Variants in CDC42BPA observed in about 807,000 individuals in gnomAD.
The protein encoded by CDC42BPA is CDC42 binding protein kinase alpha.
CDC42BPA carries 80 observed loss-of-function variants against 223.5 expected under a neutral mutation model. That is an observed-to-expected ratio of 0.36 (90% CI 0.30 to 0.43). CDC42BPA has a LOEUF of 0.43. CDC42BPA is among the 20% of genes least tolerant of loss of function. CDC42BPA has a pLI of 1.00. For synonymous variants in CDC42BPA, 694 were observed against 718.6 expected, an observed-to-expected ratio of 0.97 and a Z score of 0.55; for missense variants, 1,743 against 2,099.9, an observed-to-expected ratio of 0.83 and a Z score of 3.32.
At chr1:227,314,751 T>TGGTGGCGCGCGCC (rs770546467) in intron 1 of CDC42BPA, among the ~76,000 whole-genome samples, 25 of 121,384 alleles carry the variant, frequency 2.1e-4, no homozygotes, top group African/African-American at 4.0e-4. Context: ...CAAATAGTCT[T>TGGTGGCGCGCGCC]TTAAAGATTT....
At position 227,069,800 on chromosome 1, in the gene CDC42BPA, T is replaced by C. The variant is rs773510536; in HGVS notation, c.2881A>G (p.Thr961Ala). 8 of 1,610,946 alleles carry C rather than the reference T, an allele frequency of 5.0e-6. No homozygotes were observed. Among genetic ancestry groups the C allele is most frequent in the Admixed American group, 3.3e-5 (2 of 59,964 alleles). Residue 961 changes from threonine (T) to alanine (A), a missense_variant, in exon 21 of 37, where the codon ACC (threonine) becomes GCC (alanine). Thr to Ala is a moderately conservative substitution (Grantham distance 58). Around this residue, in one of 6 missense-constraint regions of CDC42BPA, gnomAD observed 678 missense variants for 777.5 expected, o/e 0.87. Coordinates refer to ENST00000366766, the MANE Select transcript of CDC42BPA (RefSeq NM_001394014.1). Reference sequence around the variant, plus strand: ...ACTTCAAATTGATCCAGAGCATCGGTAGGCGTATTCAAAAATGCCAAGAAA... The same window carrying C: ...ACTTCAAATTGATCCAGAGCATCGGCAGGCGTATTCAAAAATGCCAAGAAA... ...HSFLAFLNTP[T>A]DALDQFETDP...
At chr1:227,232,567 T>C (rs1678189339) in intron 2 of CDC42BPA, among the ~76,000 whole-genome samples, 1 of 152,178 alleles carries the variant, frequency 6.6e-6, no homozygotes, top group Non-Finnish European at 1.5e-5. Flanking sequence ...TGGTCTTTGA[T>C]GATGGTGATG....
chr1:227,035,430 A>G, intron 25 of CDC42BPA, 41 bp downstream of exon 25: 1 of 1,481,194 alleles, frequency 6.8e-7, no homozygotes, highest in Non-Finnish European at 9.2e-7. Context: ...TCATTAATAA[A>G]TCTTAAAGGA....
chr1:227,196,338 C>CTTTTTTTTTTTTTTTTTTTT (rs34352900), intron 4 of CDC42BPA, among the ~76,000 whole-genome samples: 10 of 92,360 alleles, frequency 1.1e-4, no homozygotes, highest in African/African-American at 3.3e-4. Context: ...TTAAACAATA[C>CTTTTTTTTTTTTTTTTTTTT]TTTTTTTTTT....
chr1:227,143,028 A>G lies in CDC42BPA; in HGVS notation c.1144-4T>C. ...GTGTTGGTGGGGGCATCGTTTCCTA[A>G]AGGAGGAAAAAACATCTGGTAAGAA... On this transcript the variant is annotated splice_region_variant and splice_polypyrimidine_tract_variant and intron_variant, in intron 8 of 36. Transcript: ENST00000366766. The G allele has an allele frequency of 6.6e-7, 1 of 1,512,448 alleles. No individual in the cohort carries two copies. Among genetic ancestry groups the G allele is most frequent in the Non-Finnish European group, 8.8e-7 (1 of 1,140,846 alleles). 93.7% of individuals were successfully genotyped at this position (1,512,448 alleles called of 1,614,324 possible).
At chr1:227,005,481 G>C (rs1244363290) in intron 34 of CDC42BPA, among the ~76,000 whole-genome samples, 1 of 152,110 alleles carries the variant, frequency 6.6e-6, no homozygotes, top group Non-Finnish European at 1.5e-5. Flanking sequence ...ATTTTTATTT[G>C]CTTAACAGCT....
At chr1:227,316,470 A>G (rs1316633187) in intron 1 of CDC42BPA, among the ~76,000 whole-genome samples, 2 of 152,216 alleles carry the variant, frequency 1.3e-5, no homozygotes, top group Non-Finnish European at 2.9e-5. Context: ...TCTTACAAAC[A>G]TAATTTTTGG....
chr1:226,999,783 G>A (rs919955280), intron 35 of CDC42BPA, among the ~76,000 whole-genome samples: 3 of 152,178 alleles, frequency 2.0e-5, no homozygotes, highest in East Asian at 1.9e-4. Context: ...AAAAGGATGA[G>A]TTCATGTCCT....
chr1:227,150,226 A>G (rs1197410235), intron 6 of CDC42BPA, among the ~76,000 whole-genome samples: 1 of 108,134 alleles, frequency 9.2e-6, no homozygotes, highest in Non-Finnish European at 2.0e-5. Flanking sequence ...CCCTGTCTCA[A>G]AAAAAAAAAA....
At chr1:227,268,664 A>G (rs1167435210) in intron 1 of CDC42BPA, among the ~76,000 whole-genome samples, 7 of 146,232 alleles carry the variant, frequency 4.8e-5, no homozygotes, top group Admixed American at 4.2e-4. Flanking sequence ...ATATATATAT[A>G]TACATATATA....
At chr1:227,147,850 G>T (rs2149689821) in intron 6 of CDC42BPA, among the ~76,000 whole-genome samples, 1 of 151,656 alleles carries the variant, frequency 6.6e-6, no homozygotes. Context: ...TGAATATTTG[G>T]TTTAGAACAC....
chr1:227,002,005 G>T (rs1390395909), intron 35 of CDC42BPA, among the ~76,000 whole-genome samples: 1 of 152,184 alleles, frequency 6.6e-6, no homozygotes, highest in East Asian at 1.9e-4. Context: ...GCCGATTTTA[G>T]GCTTTATTTA....
intron 5 of CDC42BPA, among the ~76,000 whole-genome samples, chr1:227,166,171 T>TCCA (rs973861034): frequency 2.9e-4 from 44 of 152,328 alleles, no homozygotes; most frequent in African/African-American, 1.0e-3. Flanking sequence ...ACTGACTCAC[T>TCCA]CCACATCCTT....
intron 1 of CDC42BPA, among the ~76,000 whole-genome samples, chr1:227,274,020 A>C (rs1193060809): frequency 6.8e-6 from 1 of 147,718 alleles, no homozygotes; most frequent in Non-Finnish European, 1.5e-5. Flanking sequence ...AAAAAAAAAA[A>C]AGGAAGAGTA....
chr1:227,287,707 T>A (rs1006541274), intron 1 of CDC42BPA, among the ~76,000 whole-genome samples: 1 of 152,226 alleles, frequency 6.6e-6, no homozygotes, highest in Non-Finnish European at 1.5e-5. Context: ...CCAGGGTTTT[T>A]AATTGACAAA....
intron 1 of CDC42BPA, among the ~76,000 whole-genome samples, chr1:227,309,576 T>C (rs2148809307): frequency 6.6e-6 from 1 of 152,348 alleles, no homozygotes; most frequent in African/African-American, 2.4e-5. Flanking sequence ...CTTAACACTG[T>C]AACAGGATTT....
chr1:227,294,196 C>T (rs1020423265), intron 1 of CDC42BPA, among the ~76,000 whole-genome samples: 1 of 150,658 alleles, frequency 6.6e-6, no homozygotes, highest in African/African-American at 2.4e-5. Context: ...GGCATGAACC[C>T]GGGAGGCAGA....
Position 227,222,801 on chromosome 1 carries a change from C to T in CDC42BPA, c.271-9582G>A, listed in dbSNP as rs960124781. Among the ~76,000 whole-genome samples the T allele has an allele frequency of 2.0e-4, 30 of 152,324 alleles. No individual in the cohort carries two copies. The East Asian group carries it at 2.5e-3, about 13-fold the overall frequency. On this transcript the variant is annotated intron_variant, in intron 2 of 36. Transcript: ENST00000366766. ...TTTGGGGTCATCATACAGGTTCCCG[C>T]GGATACATGTTAAATAAATTTGTAT...
intron 21 of CDC42BPA, among the ~76,000 whole-genome samples, chr1:227,055,839 GAACA>G (rs1178718983): frequency 6.7e-6 from 1 of 150,158 alleles, no homozygotes; most frequent in Non-Finnish European, 1.5e-5. Flanking sequence ...TTACTCTGAC[GAACA>G]GTCATTAGAA....
Sources: allele counts gnomAD v4.1 joint callset (sites outside exome capture counted in the v4.1 genomes callset), GRCh38; gene constraint gnomAD v4.1.1; regional missense constraint gnomAD v4.1.1; transcripts MANE v1.5; gene names NCBI Gene and HGNC (gene_info 2026-07-23, HGNC 2026-07-21).